The following SPTBN2 variants were observed in gnomAD, a reference collection of about 807,000 sequenced individuals.
SPTBN2 encodes the protein spectrin beta, non-erythrocytic 2.
Under a neutral mutation model 284.2 loss-of-function variants are expected in SPTBN2, and 107 were observed. That is an observed-to-expected ratio of 0.38 (90% CI 0.32 to 0.44). The LOEUF is 0.44. SPTBN2 is among the 20% of genes least tolerant of loss of function. The probability of loss-of-function intolerance (pLI) is 1.00; values close to 1 mark genes in which losing one functional copy is unlikely to be tolerated. For missense variants in SPTBN2, 2,569 were observed against 3,287.1 expected, an observed-to-expected ratio of 0.78 and a Z score of 5.34; for synonymous variants, 1,289 against 1,354.8, an observed-to-expected ratio of 0.95 and a Z score of 1.07.
At chr11:66,705,881 C>T (rs764342078) in intron 13 of SPTBN2, 44 bp from the exon 14 acceptor site, 59 of 1,600,624 alleles carry the variant, frequency 3.7e-5, no homozygotes, top group Admixed American at 6.8e-5. Context: ...TGAGCACAGA[C>T]GCGCTAACCT....
Position 66,685,623 on chromosome 11 carries a change from G to A in SPTBN2, c.*248C>T. 1.9e-6 allele frequency: 1 copy of A among 517,028 alleles called. No homozygotes were observed. Among genetic ancestry groups the A allele is most frequent in the South Asian group, 2.0e-5 (1 of 50,568 alleles). 32.0% of individuals were successfully genotyped at this position (517,028 alleles called of 1,614,324 possible). ...CAGAGGCACGAGGCTGGGGAAAGGG[G>A]AGAAGTCGGCGGGGGTGGGAGAGGG... On this transcript the variant is annotated 3_prime_UTR_variant, in exon 38 of 38. Coordinates refer to ENST00000533211, the MANE Select transcript of SPTBN2 (RefSeq NM_006946.4). The surrounding 1 kb of genome is among the most constrained non-coding windows in gnomAD (Gnocchi z 4.4).
intron 1 of SPTBN2, among the ~76,000 whole-genome samples, chr11:66,722,362 C>T (rs552601860): frequency 1.3e-5 from 2 of 150,204 alleles, no homozygotes; most frequent in East Asian, 2.0e-4. Context: ...ATCACAAGGT[C>T]AGGAGATCGA....
chr11:66,722,934 A>G (rs1385220694), intron 1 of SPTBN2, among the ~76,000 whole-genome samples: 1 of 151,556 alleles, frequency 6.6e-6, no homozygotes, highest in African/African-American at 2.4e-5. Context: ...TTACTGGTTC[A>G]AGGTCACGCA....
At chr11:66,690,743 T>G (rs1296335989) in intron 27 of SPTBN2, among the ~76,000 whole-genome samples, 2 of 152,212 alleles carry the variant, frequency 1.3e-5, no homozygotes, top group African/African-American at 4.8e-5. Context: ...TGGGAACCCC[T>G]GAAGACATCA....
In SPTBN2 at chr11:66,699,386, A is replaced by C; in HGVS notation, c.3776+20T>G. 1 of 1,613,028 alleles carries C rather than the reference A, an allele frequency of 6.2e-7. No homozygotes were observed. The highest frequency in any genetic ancestry group is 8.5e-7 in the Non-Finnish European group (1 of 1,179,474). ...GATTCCCCCCTGGGAACCCTAATTCATGGACTGTCCTCATCAGACCTCCTC... is the reference window on the plus strand; with the variant it reads ...GATTCCCCCCTGGGAACCCTAATTCCTGGACTGTCCTCATCAGACCTCCTC... On this transcript the variant is annotated intron_variant, in intron 18 of 37. Coordinates refer to ENST00000533211, the MANE Select transcript of SPTBN2 (RefSeq NM_006946.4).
At chr11:66,731,249 G>A (rs1942811736), upstream of SPTBN2, among the ~76,000 whole-genome samples, 1 of 152,202 alleles carries the variant, frequency 6.6e-6, no homozygotes, top group Non-Finnish European at 1.5e-5. Context: ...AGAACACTGA[G>A]ATCACCTATC....
Position 66,701,217 on chromosome 11 carries a change from T to C in SPTBN2, c.2882A>G (p.Gln961Arg). Residue 961 changes from glutamine (Q) to arginine (R), a missense_variant, in exon 17 of 38, where the codon CAG becomes CGG. Physicochemically the swap from Gln to Arg is conservative, Grantham distance 43. Around this residue, in one of 6 missense-constraint regions of SPTBN2, gnomAD observed 1,012 missense variants for 1,248.9 expected, o/e 0.81. Coordinates refer to ENST00000533211, the MANE Select transcript of SPTBN2 (RefSeq NM_006946.4). ...KAALTSALSI[Q>R]NYHLECTETQ... ...CTCCGTGCACTCTAAGTGGTAGTTC[T>C]GGATGCTCAGGGCTGAGGTGAGAGC... 1 of 1,613,174 alleles carries C rather than the reference T, an allele frequency of 6.2e-7. No homozygotes were observed. Among genetic ancestry groups the C allele is most frequent in the Non-Finnish European group, 8.5e-7 (1 of 1,180,034 alleles).
Position 66,708,251 on chromosome 11 carries a change from G to A in SPTBN2, c.1240C>T (p.Arg414Cys), listed in dbSNP as rs1318256630. 1 of 1,608,940 alleles carries A rather than the reference G, an allele frequency of 6.2e-7. No homozygotes were observed. The highest frequency in any genetic ancestry group is 1.7e-5 in the Admixed American group (1 of 59,888). ...TTCTCCTGGCGGATGAGCTCGGTGC[G>A]CAGGGCCAGCTCACGCTCGTGCTCC... ...KAEHERELALRTELIRQEKLE... is the reference protein window; with the variant it reads ...KAEHERELALCTELIRQEKLE... Residue 414 changes from arginine (R) to cysteine (C), a missense_variant, in exon 12 of 38, where the codon CGC (arginine) becomes TGC (cysteine). Arg to Cys is a radical substitution (Grantham distance 180, BLOSUM62 -3). Transcript: ENST00000533211. This position sits in a 1 kb window ranked among gnomAD's most constrained non-coding sequence, Gnocchi z 4.4.
chr11:66,743,615 G>A (rs952300961), intron 1 of SPTBN2, among the ~76,000 whole-genome samples: 2 of 152,188 alleles, frequency 1.3e-5, no homozygotes, highest in African/African-American at 4.8e-5. Context: ...GAGAGCAGCA[G>A]CTGGGACTCT....
At chr11:66,737,551 G>C (rs1942862271) in intron 1 of SPTBN2, among the ~76,000 whole-genome samples, 1 of 152,194 alleles carries the variant, frequency 6.6e-6, no homozygotes, top group Admixed American at 6.5e-5. Flanking sequence ...AAAGGGAGTA[G>C]ACTTTAGCTT....
At position 66,713,605 on chromosome 11, in the gene SPTBN2, T is replaced by A. The variant is rs755518542; in HGVS notation, c.772+26A>T. The A allele has an allele frequency of 5.0e-6, 8 of 1,594,060 alleles. No homozygotes were observed. The South Asian group carries it at 5.5e-5, about 11-fold the overall frequency. ...CACCTCCTGTCTCTACCCTACCACC[T>A]CTTTTTCACATAGCTCTGGCCCCAC... On this transcript the variant is annotated intron_variant, in intron 8 of 37. Transcript: ENST00000533211.
At position 66,687,135 on chromosome 11, in the gene SPTBN2, C is replaced by T. The variant is rs529514462; in HGVS notation, c.6755G>A (p.Arg2252His). The change falls in exon 36 of 38, where the codon CGT becomes CAT. Residue 2252 changes from arginine (R) to histidine (H), a missense_variant. By Grantham distance (29) the Arg-to-His change is conservative (BLOSUM62 0). Transcript: ENST00000533211. The surrounding 1 kb of genome is among the most constrained non-coding windows in gnomAD (Gnocchi z 5.2). ...SWQNVYCVLR[R>H]GSLGFYKDAK... ...ATCCTTGTAAAAGCCGAGGCTCCCACGCCGCAGGACACAGTACACGTTCTG... is the reference window on the plus strand; with the variant it reads ...ATCCTTGTAAAAGCCGAGGCTCCCATGCCGCAGGACACAGTACACGTTCTG... 2.5e-5 allele frequency: 40 copies of T among 1,613,916 alleles called. No homozygotes were observed. In the Admixed American group the frequency reaches 2.8e-4, roughly 11 times the overall value.
In SPTBN2 at chr11:66,684,043, G is replaced by C. The variant is rs1260989588; in HGVS notation, c.*1828C>G. Among the ~76,000 whole-genome samples, 1 of 152,188 alleles carries C rather than the reference G, an allele frequency of 6.6e-6. No homozygotes were observed. Among genetic ancestry groups the C allele is most frequent in the African/African-American group, 2.4e-5 (1 of 41,428 alleles). On this transcript the variant is annotated 3_prime_UTR_variant, in exon 38 of 38. Transcript: ENST00000533211. ...GCAGGCTCTCTGGTCTACCGGTTTG[G>C]AGCCCACTCTGGGGCTGTGATGTGC...
Position 66,701,179 on chromosome 11 carries a change from T to C in SPTBN2, c.2920A>G (p.Met974Val). 2 of 1,613,160 alleles carry C rather than the reference T, an allele frequency of 1.2e-6. No individual in the cohort carries two copies. Among genetic ancestry groups the C allele is most frequent in the Non-Finnish European group, 8.5e-7 (1 of 1,180,022 alleles). Residue 974 changes from methionine (M) to valine (V), a missense_variant, in exon 17 of 38, where the codon ATG becomes GTG. Transcript: ENST00000533211. ...TCGATGACTTTGGTCTTCTCTCTCA[T>C]CCAGGCCTGGGTCTCCGTGCACTCT... ...HLECTETQAW[M>V]REKTKVIEST...
chr11:66,690,136 CCAG>C lies in SPTBN2; in HGVS notation c.5710_5712del (p.Leu1904del). 6.2e-7 allele frequency: 1 copy of C among 1,614,244 alleles called. No individual in the cohort carries two copies. The highest frequency in any genetic ancestry group is 8.5e-7 in the Non-Finnish European group (1 of 1,180,054). ...AAGAAGCGGAACTTGTCTGTGGTGT[CCAG>C]CAGCAGCTGCCGGCGGGCGGCAGAG... On this transcript the variant is annotated inframe_deletion, in exon 28 of 38. Transcript: ENST00000533211.
In SPTBN2 at chr11:66,683,699, T is replaced by C. The variant is rs552205729; in HGVS notation, c.*2172A>G. Among the ~76,000 whole-genome samples, 1 of 152,396 alleles carries C rather than the reference T, an allele frequency of 6.6e-6. No individual in the cohort carries two copies. Among genetic ancestry groups the C allele is most frequent in the Non-Finnish European group, 1.5e-5 (1 of 68,042 alleles). On this transcript the variant is annotated 3_prime_UTR_variant, in exon 38 of 38. Transcript: ENST00000533211. ...GACTGCTTCAATTGGCTGTCCTATT[T>C]ACACTTACGTGTCGTGTTAAAATAA...
chr11:66,705,670 C>T lies in SPTBN2; in HGVS notation c.1807+14G>A, dbSNP rs1198285759. 8.1e-6 allele frequency: 13 copies of T among 1,610,122 alleles called. No homozygotes were observed. Among genetic ancestry groups the T allele is most frequent in the East Asian group, 2.2e-5 (1 of 44,888 alleles). The stretch of plus-strand genomic sequence containing the variant: ...CCAGCCCCTCCCTCTCCAGTGCCTT[C>T]GCTGACTTCTCACCTTTCCCTGGGT... On this transcript the variant is annotated intron_variant, in intron 14 of 37. Coordinates refer to ENST00000533211, the MANE Select transcript of SPTBN2 (RefSeq NM_006946.4).
In SPTBN2 at chr11:66,684,144, G is replaced by A. The variant is rs1939957971; in HGVS notation, c.*1727C>T. ...AGGCCCGCAGTCAATGACTAAAGAT[G>A]GGGCTGCCTTCCTGGAAAAACGGTT... On this transcript the variant is annotated 3_prime_UTR_variant, in exon 38 of 38. Transcript: ENST00000533211. Among the ~76,000 whole-genome samples the A allele has an allele frequency of 1.3e-5, 2 of 152,170 alleles. No homozygotes were observed. Among genetic ancestry groups the A allele is most frequent in the Admixed American group, 1.3e-4 (2 of 15,268 alleles).
chr11:66,695,935 C>T (rs377132939), intron 21 of SPTBN2, among the ~76,000 whole-genome samples: 1 of 152,088 alleles, frequency 6.6e-6, no homozygotes, highest in African/African-American at 2.4e-5. Context: ...CGGGGTTTCA[C>T]CATGTTGGCC....
Sources: allele counts gnomAD v4.1 joint callset (sites outside exome capture counted in the v4.1 genomes callset), GRCh38; gene constraint gnomAD v4.1.1; regional missense constraint gnomAD v4.1.1; non-coding constraint Gnocchi (gnomAD v3.1); transcripts MANE v1.5; gene names NCBI Gene and HGNC (gene_info 2026-07-23, HGNC 2026-07-21).